FAAH2: variants seen among roughly 807,000 people sequenced by gnomAD.
FAAH2 encodes the protein fatty acid amide hydrolase 2.
In FAAH2, 60 loss-of-function variants were observed where a neutral mutation model predicts 36.9. The observed-to-expected ratio is 1.63, with a 90% CI of 1.32 to 2.02. The LOEUF is 2.02. Among genes scored for constraint, FAAH2 ranks in the 30% most tolerant of loss-of-function variants. FAAH2 has a pLI of 0.00. For missense variants in FAAH2, 689 were observed against 397.5 expected (o/e 1.73, Z -6.23); for synonymous variants, 214 against 143.8 (o/e 1.49, Z -3.49).
At chrX:57,263,346 G>A in the FAAH2 span, among the ~76,000 whole-genome samples, 1 of 111,552 alleles carries the variant, frequency 9.0e-6, no homozygotes, top group Admixed American at 9.6e-5. Flanking sequence ...ATACCACTTA[G>A]AGTCACTCAA....
At chrX:57,312,411 G>T (rs888589614) in intron 3 of FAAH2, among the ~76,000 whole-genome samples, 1 of 111,781 alleles carries the variant, frequency 8.9e-6, no homozygotes, top group Non-Finnish European at 1.9e-5. Context: ...AGTGGCTTAT[G>T]CCTGTAATCC....
the FAAH2 span, among the ~76,000 whole-genome samples, chrX:57,134,065 G>A: frequency 1.5e-3 from 163 of 111,138 alleles, no homozygotes; most frequent in African/African-American, 5.1e-3. Context: ...ACTAGTGGGC[G>A]GGTTTTCAGA....
intron 7 of FAAH2, among the ~76,000 whole-genome samples, chrX:57,403,357 G>A (rs2055486635): frequency 8.9e-6 from 1 of 112,395 alleles, no homozygotes; most frequent in Admixed American, 9.4e-5. Flanking sequence ...TAGCAGTCCT[G>A]CACCTGTTTT....
At chrX:57,231,306 A>T in the FAAH2 span, among the ~76,000 whole-genome samples, 1 of 110,599 alleles carries the variant, frequency 9.0e-6, no homozygotes, top group African/African-American at 3.3e-5. Context: ...TTCCTAGCAC[A>T]ATGAAGTCAC....
At chrX:57,168,415 C>CAA in the FAAH2 span, among the ~76,000 whole-genome samples, 2 of 110,818 alleles carry the variant, frequency 1.8e-5, no homozygotes, top group African/African-American at 6.6e-5. Flanking sequence ...CACACACAAA[C>CAA]ACACATTTCT....
chrX:57,225,959 C>T, the FAAH2 span, among the ~76,000 whole-genome samples: 1 of 112,032 alleles, frequency 8.9e-6, no homozygotes, highest in Non-Finnish European at 1.9e-5. Flanking sequence ...AATATCTACT[C>T]CTGCTCAGTT....
chrX:57,393,698 C>T, intron 7 of FAAH2: 1 of 1,013,953 alleles, frequency 9.9e-7, no homozygotes, highest in Non-Finnish European at 1.4e-6. Flanking sequence ...CAGTCTCTCT[C>T]TCCTGTCTTC....
At chrX:57,384,544 C>T (rs201979517) in intron 7 of FAAH2, among the ~76,000 whole-genome samples, 1 of 111,295 alleles carries the variant, frequency 9.0e-6, no homozygotes, top group East Asian at 2.9e-4. Context: ...CAAAAGAAGA[C>T]ATTTATGCAG....
the FAAH2 span, among the ~76,000 whole-genome samples, chrX:57,268,239 G>GA: frequency 9.0e-6 from 1 of 111,373 alleles, no homozygotes; most frequent in Non-Finnish European, 1.9e-5. Context: ...ACCAAGTGGA[G>GA]AAAAAAATCT....
chrX:57,319,305 T>C (rs1389779123), intron 3 of FAAH2, among the ~76,000 whole-genome samples: 1 of 112,081 alleles, frequency 8.9e-6, no homozygotes, highest in Non-Finnish European at 1.9e-5. Context: ...CTTAAGCTGA[T>C]AAGCAACTTC....
At chrX:57,447,644 T>A (rs1169263459) in intron 9 of FAAH2, among the ~76,000 whole-genome samples, 3 of 112,111 alleles carry the variant, frequency 2.7e-5, no homozygotes, top group Non-Finnish European at 5.6e-5. Context: ...GGGGCTTCCA[T>A]CCTCTGAAGC....
chrX:57,135,896 G>T, the FAAH2 span: 2 of 1,209,711 alleles, frequency 1.7e-6, no homozygotes, highest in Admixed American at 2.2e-5. Flanking sequence ...CAGAGGGTTT[G>T]GTTTCCACTT....
the FAAH2 span, among the ~76,000 whole-genome samples, chrX:57,222,899 G>C: frequency 1.8e-5 from 2 of 111,486 alleles, no homozygotes; most frequent in Non-Finnish European, 3.8e-5. Flanking sequence ...CTGGCATGCT[G>C]GCTATGCTAT....
At chrX:57,288,693 GA>G (rs1190512164) in intron 1 of FAAH2, among the ~76,000 whole-genome samples, 2 of 110,742 alleles carry the variant, frequency 1.8e-5, no homozygotes, top group East Asian at 5.7e-4. Flanking sequence ...TGTCCTTTAA[GA>G]AAAATGGATT....
the FAAH2 span, among the ~76,000 whole-genome samples, chrX:57,182,328 A>G: frequency 8.9e-6 from 1 of 112,310 alleles, no homozygotes; most frequent in African/African-American, 3.2e-5. Flanking sequence ...CAAGTTATGC[A>G]TCTGGCAAAG....
the FAAH2 span, among the ~76,000 whole-genome samples, chrX:57,189,610 C>G: frequency 6.3e-5 from 7 of 111,221 alleles, no homozygotes; most frequent in Admixed American, 2.9e-4. Context: ...GTATTGCTTT[C>G]TGTTTGTTAG....
the FAAH2 span, among the ~76,000 whole-genome samples, chrX:57,124,196 G>T: frequency 2.7e-5 from 3 of 110,879 alleles, no homozygotes; most frequent in Non-Finnish European, 5.7e-5. Flanking sequence ...TGTAAGGAAG[G>T]GATCCAGTTT....
At chrX:57,466,148 C>CTATATATATATATATA (rs1346302535) in intron 10 of FAAH2, among the ~76,000 whole-genome samples, 4 of 78,562 alleles carry the variant, frequency 5.1e-5, no homozygotes, top group African/African-American at 1.7e-4. Flanking sequence ...CTCTCTCTCT[C>CTATATATATATATATA]TCTCTCTCTA....
At chrX:57,306,058 T>G (rs2052513772) in intron 2 of FAAH2, among the ~76,000 whole-genome samples, 2 of 112,183 alleles carry the variant, frequency 1.8e-5, no homozygotes, top group Non-Finnish European at 3.8e-5. Flanking sequence ...TTGTGCCTAT[T>G]GGAAATATTG....
Sources: allele counts gnomAD v4.1 joint callset (sites outside exome capture counted in the v4.1 genomes callset), GRCh38; gene constraint gnomAD v4.1.1; transcripts MANE v1.5; gene names NCBI Gene and HGNC (gene_info 2026-07-23, HGNC 2026-07-21).